ZNF423: variants seen among roughly 807,000 people sequenced by gnomAD.
ZNF423 encodes Ebf-associated zinc finger protein.
In ZNF423, 12 loss-of-function variants were observed where a neutral mutation model predicts 95.8. That is an observed-to-expected ratio of 0.13 (90% CI 0.08 to 0.20). The LOEUF is 0.20. Ranked by LOEUF, ZNF423 falls within the 10% of genes least tolerant of loss-of-function variation. ZNF423 has a pLI of 1.00. For missense variants in ZNF423, 1,316 were observed against 1,737.1 expected (o/e 0.76, Z 4.31); for synonymous variants, 749 against 711.9 (o/e 1.05, Z -0.83).
chr16:49,797,428 T>C (rs2034515794), intron 1 of ZNF423, among the ~76,000 whole-genome samples: 1 of 152,188 alleles, frequency 6.6e-6, no homozygotes, highest in East Asian at 1.9e-4. Flanking sequence ...AGCCAATCAC[T>C]TTTCTACAGC....
chr16:49,529,663 G>A (rs188076716), intron 5 of ZNF423, among the ~76,000 whole-genome samples: 19 of 152,306 alleles, frequency 1.2e-4, no homozygotes, highest in Admixed American at 1.2e-3. Context: ...GGGTCTTGGG[G>A]GAAGCCAGGA....
At chr16:49,662,287 C>T (rs2151915595) in intron 3 of ZNF423, among the ~76,000 whole-genome samples, 1 of 152,266 alleles carries the variant, frequency 6.6e-6, no homozygotes, top group Non-Finnish European at 1.5e-5. Flanking sequence ...GAATCCACTC[C>T]CTTCTGAACT....
intron 1 of ZNF423, among the ~76,000 whole-genome samples, chr16:49,794,211 GTTTT>G (rs945996895): frequency 6.8e-6 from 1 of 146,934 alleles, no homozygotes; most frequent in Admixed American, 6.9e-5. Context: ...GATTTTTGTA[GTTTT>G]TTTTGTTTGT....
chr16:49,498,787 A>G (rs55794637), intron 7 of ZNF423, among the ~76,000 whole-genome samples: 16 of 152,016 alleles, frequency 1.1e-4, no homozygotes, highest in Non-Finnish European at 1.9e-4. Context: ...TCTGCTTGTG[A>G]GCACTTATTT....
intron 2 of ZNF423, among the ~76,000 whole-genome samples, chr16:49,758,522 G>A (rs946880041): frequency 1.3e-5 from 2 of 152,208 alleles, no homozygotes; most frequent in African/African-American, 2.4e-5. Flanking sequence ...AGGGAGAATC[G>A]CTTGAAGCCA....
chr16:49,702,591 A>AAGGAG (rs2032218736), intron 3 of ZNF423, among the ~76,000 whole-genome samples: 1 of 152,186 alleles, frequency 6.6e-6, no homozygotes, highest in Admixed American at 6.5e-5. Context: ...CCCAGCCCTC[A>AAGGAG]AGGAGAGGCT....
Position 49,735,195 on chromosome 16 carries a change from C to A in ZNF423, c.101-4224G>T, listed in dbSNP as rs185633704. Among the ~76,000 whole-genome samples, 717 of 152,222 alleles carry A rather than the reference C, an allele frequency of 4.7e-3. 4 individuals carry two copies. The highest frequency in any genetic ancestry group is 0.016 in the African/African-American group (683 of 41,534). ...ACAGCCTTGAAGGTCATCTTTCAACCCCATAAACTTCCAAGTCTCTTTGGT... is the reference window on the plus strand; with the variant it reads ...ACAGCCTTGAAGGTCATCTTTCAACACCATAAACTTCCAAGTCTCTTTGGT... On this transcript the variant is annotated intron_variant, in intron 2 of 7. Coordinates refer to ENST00000563137, the MANE Select transcript of ZNF423 (RefSeq NM_001379286.1).
At chr16:49,815,906 ATATATATATTTTTTTTTT>A (rs1567356447) in intron 1 of ZNF423, among the ~76,000 whole-genome samples, 51 of 42,668 alleles carry the variant, frequency 1.2e-3, no homozygotes, top group African/African-American at 4.5e-3. Flanking sequence ...ATATATATAT[ATATATATATTTTTTTTTT>A]TTTTTTTTTT....
At chr16:49,785,532 C>T (rs145967868) in intron 2 of ZNF423, among the ~76,000 whole-genome samples, 100 of 152,280 alleles carry the variant, frequency 6.6e-4, no homozygotes, top group African/African-American at 2.3e-3. Context: ...AAGATATAAG[C>T]TGGGTTTGTT....
chr16:49,514,036 T>C (rs2151686823), intron 7 of ZNF423, among the ~76,000 whole-genome samples: 1 of 152,002 alleles, frequency 6.6e-6, no homozygotes. Context: ...TCTGCCTTTT[T>C]ATTCTGTTCT....
chr16:49,744,122 A>G (rs2033471819), intron 2 of ZNF423, among the ~76,000 whole-genome samples: 1 of 152,126 alleles, frequency 6.6e-6, no homozygotes, highest in Admixed American at 6.5e-5. Context: ...CCACTTGCTC[A>G]GGTCTGCCGG....
intron 2 of ZNF423, among the ~76,000 whole-genome samples, chr16:49,761,096 T>C (rs946251003): frequency 6.6e-6 from 1 of 151,968 alleles, no homozygotes; most frequent in African/African-American, 2.4e-5. Flanking sequence ...AGAAGGCCCT[T>C]TGCCTCCCAA....
intron 5 of ZNF423, among the ~76,000 whole-genome samples, chr16:49,579,211 GC>G (rs944416296): frequency 7.2e-4 from 97 of 134,148 alleles, no homozygotes; most frequent in Non-Finnish European, 1.3e-3. Context: ...ATTACTCCCT[GC>G]CCCCCCACCC....
chr16:49,604,646 G>C (rs546957703), intron 5 of ZNF423, among the ~76,000 whole-genome samples: 1 of 152,280 alleles, frequency 6.6e-6, no homozygotes, highest in African/African-American at 2.4e-5. Context: ...CACAATCACG[G>C]TCAGTGCAAT....
At position 49,637,105 on chromosome 16, in the gene ZNF423, C is replaced by T; in HGVS notation, c.2071G>A (p.Val691Met). 1 of 1,613,640 alleles carries T rather than the reference C, an allele frequency of 6.2e-7. No homozygotes were observed. Among genetic ancestry groups the T allele is most frequent in the Non-Finnish European group, 8.5e-7 (1 of 1,179,992 alleles). ...SQESLLQHLT[V>M]HYMTTSTHYV... ...TGGGTCGACGTGGTCATGTAATGCACTGTCAGGTGCTGCAGGAGGGACTCC... is the reference window on the plus strand; with the variant it reads ...TGGGTCGACGTGGTCATGTAATGCATTGTCAGGTGCTGCAGGAGGGACTCC... The change falls in exon 4 of 8, where the codon GTG (valine) becomes ATG (methionine). Residue 691 changes from valine to methionine, a missense_variant. By Grantham distance (21) the Val-to-Met change is conservative. This residue lies in a region of ZNF423 where 620 missense variants were observed against 775.6 expected (regional missense o/e 0.80). Transcript: ENST00000563137. This position sits in a 1 kb window ranked among gnomAD's most constrained non-coding sequence, Gnocchi z 5.6.
At chr16:49,821,901 T>G (rs1380814743) in intron 1 of ZNF423, among the ~76,000 whole-genome samples, 2 of 152,206 alleles carry the variant, frequency 1.3e-5, no homozygotes, top group Non-Finnish European at 2.9e-5. Flanking sequence ...AGGTCTGCTG[T>G]GCACAACCAT....
At chr16:49,516,816 G>T (rs1232383997) in intron 7 of ZNF423, among the ~76,000 whole-genome samples, 2 of 152,212 alleles carry the variant, frequency 1.3e-5, no homozygotes, top group Non-Finnish European at 2.9e-5. Context: ...GCTGACCCAG[G>T]CTCACCTACC....
chr16:49,705,406 A>G (rs568282704), intron 3 of ZNF423, among the ~76,000 whole-genome samples: 1 of 152,332 alleles, frequency 6.6e-6, no homozygotes, highest in East Asian at 1.9e-4. Flanking sequence ...ACCTATGGGT[A>G]AACAAAAACA....
At chr16:49,831,495 A>C (rs2144057953) in intron 1 of ZNF423, among the ~76,000 whole-genome samples, 1 of 152,264 alleles carries the variant, frequency 6.6e-6, no homozygotes, top group African/African-American at 2.4e-5. Context: ...TTCCTCACCT[A>C]TAAAGCGGAA....
Sources: gnomAD v4.1 joint callset for allele counts (sites outside exome capture counted in the v4.1 genomes callset) on GRCh38, gnomAD v4.1.1 for gene constraint, gnomAD v4.1.1 regional missense constraint, Gnocchi (gnomAD v3.1) non-coding constraint, MANE v1.5 for transcripts, NCBI Gene and HGNC (gene_info 2026-07-23, HGNC 2026-07-21) for gene names.